The following METTL15 variants were observed in gnomAD, a reference collection of about 807,000 sequenced individuals.
METTL15 encodes 12S rRNA N(4)-cytidine methyltransferase METTL15.
METTL15 carries 34 observed loss-of-function variants against 38.3 expected under a neutral mutation model. That is an observed-to-expected ratio of 0.89 (90% CI 0.68 to 1.18). METTL15 has a LOEUF of 1.18. Ranked by LOEUF, METTL15 falls within the 50% of genes most tolerant of loss-of-function variation. The pLI is 0.00. For missense variants in METTL15, 438 were observed against 498.4 expected, an observed-to-expected ratio of 0.88 and a Z score of 1.15; for synonymous variants, 162 against 170.9, an observed-to-expected ratio of 0.95 and a Z score of 0.41.
chr11:28,521,681 C>T (rs1851766481), intron 6 of METTL15, among the ~76,000 whole-genome samples: 1 of 152,000 alleles, frequency 6.6e-6, no homozygotes. Context: ...TAAGGCATTG[C>T]TAGAAGACTA....
intron 4 of METTL15, among the ~76,000 whole-genome samples, chr11:28,236,314 G>C (rs1257898453): frequency 6.6e-6 from 1 of 152,194 alleles, no homozygotes; most frequent in East Asian, 1.9e-4. Flanking sequence ...GGATGATGCT[G>C]GCCTCATAAA....
At chr11:28,205,877 AT>A (rs1852317431) in intron 3 of METTL15, among the ~76,000 whole-genome samples, 2 of 149,308 alleles carry the variant, frequency 1.3e-5, no homozygotes, top group South Asian at 4.3e-4. Context: ...GCATTTTTTC[AT>A]GTGTTTTTTG....
chr11:28,338,339 T>C (rs1849920178), downstream of METTL15, among the ~76,000 whole-genome samples: 1 of 152,176 alleles, frequency 6.6e-6, no homozygotes, highest in African/African-American at 2.4e-5. Flanking sequence ...GGGTATTCTT[T>C]ATAGAAATCT....
intron 3 of METTL15, chr11:28,122,168 A>G (rs1274891302): frequency 1.6e-6 from 2 of 1,240,552 alleles, no homozygotes; most frequent in Non-Finnish European, 2.1e-6. Context: ...GTGTGGGAAT[A>G]TGAATCCTAC....
intron 6 of METTL15, among the ~76,000 whole-genome samples, chr11:28,496,297 A>C (rs576670426): frequency 5.5e-4 from 84 of 152,284 alleles, no homozygotes; most frequent in Non-Finnish European, 7.9e-4. Context: ...AAACCATCAG[A>C]TTCCATGAGA....
intron 3 of METTL15, among the ~76,000 whole-genome samples, chr11:28,201,946 T>G (rs1852132107): frequency 6.6e-6 from 1 of 151,834 alleles, no homozygotes; most frequent in African/African-American, 2.4e-5. Context: ...TTTTTGAGAG[T>G]AGTGGGAGAT....
intron 3 of METTL15, among the ~76,000 whole-genome samples, chr11:28,162,933 A>G (rs1038918555): frequency 6.6e-6 from 1 of 152,080 alleles, no homozygotes; most frequent in African/African-American, 2.4e-5. Flanking sequence ...ATTGGGGACT[A>G]TCTGTATTCT....
At chr11:28,382,012 A>C (rs952063726) in intron 5 of METTL15, among the ~76,000 whole-genome samples, 1 of 151,680 alleles carries the variant, frequency 6.6e-6, no homozygotes, top group Non-Finnish European at 1.5e-5. Context: ...TTTTTATTGG[A>C]TATACTTGCT....
intron 4 of METTL15, among the ~76,000 whole-genome samples, chr11:28,358,234 G>A (rs910049980): frequency 6.6e-6 from 1 of 152,154 alleles, no homozygotes; most frequent in South Asian, 2.1e-4. Context: ...TGGCCCTGGA[G>A]AGACTGAGAA....
At chr11:28,513,153 C>T (rs1851690520) in intron 6 of METTL15, among the ~76,000 whole-genome samples, 1 of 152,170 alleles carries the variant, frequency 6.6e-6, no homozygotes, top group African/African-American at 2.4e-5. Context: ...GTTCCATACT[C>T]GCAGTAAACA....
In METTL15 at chr11:28,209,838, C is replaced by A. The variant is rs545441842; in HGVS notation, c.271-1224C>A. ...ATTCAAATCCATGACAGGAATTTCCCTTGTTATGTACTATGCACATGAACT... is the reference window on the plus strand; with the variant it reads ...ATTCAAATCCATGACAGGAATTTCCATTGTTATGTACTATGCACATGAACT... On this transcript the variant is annotated intron_variant, in intron 3 of 6. Coordinates refer to ENST00000407364, the MANE Select transcript of METTL15 (RefSeq NM_001113528.2). 4.7e-4 allele frequency among the ~76,000 whole-genome samples: 71 copies of A among 152,008 alleles called. 1 individual carries two copies. Among genetic ancestry groups the A allele is most frequent in the Admixed American group, 3.3e-3 (51 of 15,232 alleles).
chr11:28,133,431 C>CA (rs1849404707), intron 3 of METTL15, among the ~76,000 whole-genome samples: 1 of 152,178 alleles, frequency 6.6e-6, no homozygotes, highest in Admixed American at 6.5e-5. Flanking sequence ...TTTCTCTTAA[C>CA]ACACTATGGT....
At chr11:28,194,798 T>G (rs528863106) in intron 3 of METTL15, among the ~76,000 whole-genome samples, 9 of 151,954 alleles carry the variant, frequency 5.9e-5, no homozygotes, top group African/African-American at 2.2e-4. Context: ...TATCACTTGG[T>G]GATAGGTGTA....
intron 5 of METTL15, among the ~76,000 whole-genome samples, chr11:28,386,856 A>T (rs1450703608): frequency 2.0e-5 from 3 of 152,028 alleles, no homozygotes; most frequent in Admixed American, 2.0e-4. Flanking sequence ...CTCATGCCAA[A>T]TATCTTTTCC....
intron 5 of METTL15, among the ~76,000 whole-genome samples, chr11:28,404,634 G>A (rs1850658967): frequency 1.3e-5 from 2 of 152,020 alleles, no homozygotes. Context: ...GCATTTTGAG[G>A]GGACACAAAT....
At chr11:28,162,754 A>G (rs922733314) in intron 3 of METTL15, among the ~76,000 whole-genome samples, 3 of 152,074 alleles carry the variant, frequency 2.0e-5, no homozygotes, top group Non-Finnish European at 2.9e-5. Flanking sequence ...GGTAAAATAA[A>G]TTATTTTGTA....
chr11:28,364,119 C>A (rs1292205887), intron 5 of METTL15, among the ~76,000 whole-genome samples: 1 of 152,146 alleles, frequency 6.6e-6, no homozygotes, highest in East Asian at 1.9e-4. Flanking sequence ...CAATGTGATA[C>A]CTCCAGCTTT....
At chr11:28,456,429 T>A (rs2440004) in intron 6 of METTL15, among the ~76,000 whole-genome samples, 2 of 151,768 alleles carry the variant, frequency 1.3e-5, no homozygotes, top group African/African-American at 4.8e-5. Flanking sequence ...TTGTTTTTTT[T>A]TTTGTTTGTT....
chr11:28,518,312 G>C (rs2133508499), intron 6 of METTL15, among the ~76,000 whole-genome samples: 1 of 152,286 alleles, frequency 6.6e-6, no homozygotes, highest in East Asian at 1.9e-4. Context: ...TTGTTATCAT[G>C]GTCCATGAAT....
Sources: allele counts gnomAD v4.1 joint callset (sites outside exome capture counted in the v4.1 genomes callset), GRCh38; gene constraint gnomAD v4.1.1; transcripts MANE v1.5; gene names NCBI Gene and HGNC (gene_info 2026-07-23, HGNC 2026-07-21).